Variants in LINGO1 observed in about 807,000 individuals in gnomAD.
The protein encoded by LINGO1 is leucine rich repeat and Ig domain containing 1.
LINGO1 carries 11 observed loss-of-function variants against 37.3 expected under a neutral mutation model. That is an observed-to-expected ratio of 0.29 (90% CI 0.19 to 0.49). The LOEUF (loss-of-function observed/expected upper bound fraction) is 0.49. LINGO1 is among the 20% of genes least tolerant of loss of function. The pLI, the probability that LINGO1 is intolerant of heterozygous loss-of-function variation, is 0.99. For synonymous variants in LINGO1, 387 were observed against 403.0 expected (o/e 0.96, Z 0.48); for missense variants, 585 against 878.2 (o/e 0.67, Z 4.22).
chr15:77,755,120 G>A (rs2076407426), intron 1 of LINGO1, among the ~76,000 whole-genome samples: 1 of 152,198 alleles, frequency 6.6e-6, no homozygotes, highest in African/African-American at 2.4e-5. Flanking sequence ...CTGGAGCACA[G>A]CCAGGTCCCC....
chr15:77,641,954 TTGGGTAAGTCACCTGCCCTCTC>T (rs1567481212), intron 3 of LINGO1: 1 of 456,700 alleles, frequency 2.2e-6, no homozygotes, highest in Non-Finnish European at 4.4e-6. Flanking sequence ...CGGAGTGGTC[TTGGGTAAGTCACCTGCCCTCTC>T]TGAGCCGCTT....
At chr15:77,756,237 C>T (rs2076417481) in intron 1 of LINGO1, among the ~76,000 whole-genome samples, 1 of 152,180 alleles carries the variant, frequency 6.6e-6, no homozygotes, top group Non-Finnish European at 1.5e-5. Context: ...CAGCAACTGA[C>T]CCATCACATG....
chr15:77,643,044 G>A (rs966543473), intron 3 of LINGO1, among the ~76,000 whole-genome samples: 1 of 152,200 alleles, frequency 6.6e-6, no homozygotes, highest in Admixed American at 6.5e-5. Context: ...CACACACAGC[G>A]CACTCTCTGA....
intron 1 of LINGO1, among the ~76,000 whole-genome samples, chr15:77,631,688 GC>G (rs1466368610): frequency 6.6e-6 from 1 of 152,250 alleles, no homozygotes; most frequent in African/African-American, 2.4e-5. Context: ...AGAAGCCCGG[GC>G]TGAACGCAGA....
At chr15:77,678,669 G>A (rs2075366552) in intron 2 of LINGO1, among the ~76,000 whole-genome samples, 1 of 152,138 alleles carries the variant, frequency 6.6e-6, no homozygotes, top group African/African-American at 2.4e-5. Context: ...TATTTCTCTT[G>A]GTTAAGCACC....
chr15:77,737,095 G>A (rs779672811), intron 1 of LINGO1, among the ~76,000 whole-genome samples: 1 of 152,218 alleles, frequency 6.6e-6, no homozygotes, highest in South Asian at 2.1e-4. Context: ...TTGAACACAT[G>A]TGTAAGTATT....
At chr15:77,640,726 G>A (rs544899275) in intron 3 of LINGO1, among the ~76,000 whole-genome samples, 3 of 152,252 alleles carry the variant, frequency 2.0e-5, no homozygotes, top group South Asian at 4.1e-4. Context: ...CAGAGGAGGT[G>A]GAGCAAACAG....
intron 1 of LINGO1, among the ~76,000 whole-genome samples, chr15:77,742,074 C>T (rs574311663): frequency 1.3e-5 from 2 of 152,280 alleles, no homozygotes; most frequent in African/African-American, 4.8e-5. Flanking sequence ...CCAAGCAGGG[C>T]GGGGCCTACT....
intron 1 of LINGO1, among the ~76,000 whole-genome samples, chr15:77,802,733 C>T (rs767283305): frequency 3.9e-5 from 6 of 152,118 alleles, no homozygotes; most frequent in South Asian, 2.1e-4. Context: ...GGGTCTGAGC[C>T]GCAACTAACA....
chr15:77,801,205 T>C (rs8035456), intron 1 of LINGO1, among the ~76,000 whole-genome samples: 2 of 152,226 alleles, frequency 1.3e-5, no homozygotes, highest in Non-Finnish European at 2.9e-5. Context: ...CATGTATACA[T>C]GCTCAAGGAT....
intron 3 of LINGO1, among the ~76,000 whole-genome samples, chr15:77,670,655 T>C (rs1337416561): frequency 6.6e-6 from 1 of 152,258 alleles, no homozygotes; most frequent in Admixed American, 6.5e-5. Context: ...GTGAGGCCAC[T>C]GAGGCCCAGG....
chr15:77,624,892 A>G (rs150168962), intron 1 of LINGO1, among the ~76,000 whole-genome samples: 2 of 152,192 alleles, frequency 1.3e-5, no homozygotes, highest in Non-Finnish European at 2.9e-5. Flanking sequence ...GCACCCCAGT[A>G]TCTCCCTTCT....
upstream of LINGO1, among the ~76,000 whole-genome samples, chr15:77,633,251 G>C (rs1441421868): frequency 6.6e-6 from 1 of 150,928 alleles, no homozygotes; most frequent in Non-Finnish European, 1.5e-5. Flanking sequence ...GGTCCTCCCT[G>C]GGTGTATGCG....
At chr15:77,659,598 T>C (rs1320746945) in intron 3 of LINGO1, among the ~76,000 whole-genome samples, 1 of 152,134 alleles carries the variant, frequency 6.6e-6, no homozygotes, top group Non-Finnish European at 1.5e-5. Context: ...TTCAGAACCA[T>C]GTCACCTCTG....
intron 1 of LINGO1, among the ~76,000 whole-genome samples, chr15:77,738,773 AAG>A: frequency 6.6e-6 from 1 of 150,774 alleles, no homozygotes; most frequent in African/African-American, 2.4e-5. Flanking sequence ...GGAAGGAAGG[AAG>A]GAAGGAAGGA....
intron 1 of LINGO1, among the ~76,000 whole-genome samples, chr15:77,776,472 G>GCAGGAAGGCAGGAAGGCAGGAAA (rs2076644596): frequency 5.2e-5 from 6 of 114,882 alleles, no homozygotes; most frequent in African/African-American, 2.0e-4. Context: ...AAGGCAGGAA[G>GCAGGAAGGCAGGAAGGCAGGAAA]GCAGGAAGGC....
At chr15:77,641,250 C>T (rs1238429214) in intron 3 of LINGO1, among the ~76,000 whole-genome samples, 1 of 152,210 alleles carries the variant, frequency 6.6e-6, no homozygotes, top group African/African-American at 2.4e-5. Flanking sequence ...TGCCTGCCTT[C>T]TTCTCCAGCT....
At chr15:77,817,539 C>A (rs529604271) in intron 1 of LINGO1, among the ~76,000 whole-genome samples, 1 of 152,304 alleles carries the variant, frequency 6.6e-6, no homozygotes, top group Non-Finnish European at 1.5e-5. Flanking sequence ...AACCATCAAG[C>A]AAAGCACTGA....
chr15:77,685,325 T>G (rs7181139), intron 2 of LINGO1, among the ~76,000 whole-genome samples: 8,213 of 152,172 alleles, frequency 0.054, 778 homozygotes, highest in African/African-American at 0.19. Context: ...GGCTGTGGCC[T>G]ACTTTCAGGA....
Sources: allele counts gnomAD v4.1 joint callset (sites outside exome capture counted in the v4.1 genomes callset), GRCh38; gene constraint gnomAD v4.1.1; transcripts MANE v1.5; gene names NCBI Gene and HGNC (gene_info 2026-07-23, HGNC 2026-07-21).